SLC25A13: variants seen among roughly 807,000 people sequenced by gnomAD.
SLC25A13 encodes electrogenic aspartate/glutamate antiporter SLC25A13, mitochondrial.
SLC25A13 carries 70 observed loss-of-function variants against 85.5 expected under a neutral mutation model. The ratio of observed to expected loss-of-function variants is 0.82; its 90% CI spans 0.68 to 1.00. The LOEUF (loss-of-function observed/expected upper bound fraction) is 1.00. Among genes scored for constraint, SLC25A13 ranks in the 50% least tolerant of loss-of-function variants. The pLI, the probability that SLC25A13 is intolerant of heterozygous loss-of-function variation, is 0.00. For synonymous variants in SLC25A13, 259 were observed against 288.7 expected, an observed-to-expected ratio of 0.90 and a Z score of 1.04; for missense variants, 765 against 819.8, an observed-to-expected ratio of 0.93 and a Z score of 0.82.
chr7:96,155,572 C>A (rs1793230459), intron 13 of SLC25A13, among the ~76,000 whole-genome samples: 1 of 152,154 alleles, frequency 6.6e-6, no homozygotes. Context: ...CCTCTAGATC[C>A]CTTTCTGGAA....
chr7:96,181,049 G>A (rs1440105916), intron 11 of SLC25A13, among the ~76,000 whole-genome samples: 1 of 152,100 alleles, frequency 6.6e-6, no homozygotes, highest in African/African-American at 2.4e-5. Context: ...CCTGGGGGTT[G>A]GATTTTCAGA....
chr7:96,255,436 AG>A (rs1428764978), intron 3 of SLC25A13, among the ~76,000 whole-genome samples: 18 of 152,370 alleles, frequency 1.2e-4, no homozygotes, highest in South Asian at 8.3e-4. Flanking sequence ...TTGTAGTTCC[AG>A]CACTTTGGGA....
chr7:96,123,372 G>C (rs1791595027), intron 15 of SLC25A13, among the ~76,000 whole-genome samples: 1 of 152,196 alleles, frequency 6.6e-6, no homozygotes, highest in Admixed American at 6.5e-5. Flanking sequence ...TAGCAAGACA[G>C]CCTGCTTTAG....
intron 14 of SLC25A13, among the ~76,000 whole-genome samples, chr7:96,138,383 C>T (rs1792375664): frequency 6.6e-6 from 1 of 151,162 alleles, no homozygotes; most frequent in African/African-American, 2.4e-5. Context: ...CAATTTGTTG[C>T]ATTTTTTTCT....
chr7:96,312,498 T>C (rs60311716), intron 1 of SLC25A13, among the ~76,000 whole-genome samples: 1,869 of 152,312 alleles, frequency 0.012, 36 homozygotes, highest in African/African-American at 0.042. Flanking sequence ...TTGTAGATGA[T>C]TATAAAGATC....
chr7:96,176,658 A>G (rs183498823), intron 11 of SLC25A13, among the ~76,000 whole-genome samples: 14 of 152,266 alleles, frequency 9.2e-5, no homozygotes, highest in African/African-American at 2.9e-4. Flanking sequence ...GGGGTCTCCA[A>G]CTCAAGCTTC....
At chr7:96,178,122 C>T (rs1010901990) in intron 11 of SLC25A13, among the ~76,000 whole-genome samples, 2 of 152,122 alleles carry the variant, frequency 1.3e-5, no homozygotes, top group African/African-American at 2.4e-5. Context: ...CTTAAAACCT[C>T]GAAGGCACTG....
At chr7:96,301,631 T>C (rs1562917420) in intron 1 of SLC25A13, among the ~76,000 whole-genome samples, 5 of 151,158 alleles carry the variant, frequency 3.3e-5, no homozygotes. Context: ...TTTGGTGTTT[T>C]GTTTTTTTTT....
At chr7:96,223,957 G>C (rs1050912224) in intron 4 of SLC25A13, among the ~76,000 whole-genome samples, 1 of 152,100 alleles carries the variant, frequency 6.6e-6, no homozygotes, top group African/African-American at 2.4e-5. Flanking sequence ...AAATAGTTCA[G>C]ATCGACAGTT....
intron 1 of SLC25A13, among the ~76,000 whole-genome samples, chr7:96,302,246 G>T (rs550667959): frequency 2.6e-4 from 39 of 152,226 alleles, no homozygotes; most frequent in African/African-American, 8.7e-4. Flanking sequence ...GGAGAACATG[G>T]CAAGAAGAAT....
chr7:96,261,093 C>T (rs1049723486), intron 3 of SLC25A13, among the ~76,000 whole-genome samples: 2 of 152,120 alleles, frequency 1.3e-5, no homozygotes, highest in African/African-American at 4.8e-5. Context: ...CTGTTATCCC[C>T]TCTATTCTTC....
chr7:96,186,108 C>A (rs528024171), intron 9 of SLC25A13, among the ~76,000 whole-genome samples: 21 of 151,996 alleles, frequency 1.4e-4, no homozygotes, highest in African/African-American at 4.6e-4. Flanking sequence ...TAATATACAC[C>A]CAAACCCTTA....
At chr7:96,171,599 G>A in intron 11 of SLC25A13, 75 bp from the exon 12 acceptor site, 2 of 1,301,900 alleles carry the variant, frequency 1.5e-6, no homozygotes, top group South Asian at 1.2e-5. Flanking sequence ...TCTACAGAGG[G>A]GATTACCACT....
intron 11 of SLC25A13, among the ~76,000 whole-genome samples, chr7:96,172,122 C>G (rs1170331355): frequency 6.6e-6 from 1 of 152,172 alleles, no homozygotes; most frequent in African/African-American, 2.4e-5. Context: ...ACAGCCTCTT[C>G]TGAGGGACCA....
chr7:96,245,135 A>G (rs1797138098), intron 3 of SLC25A13, among the ~76,000 whole-genome samples: 1 of 152,190 alleles, frequency 6.6e-6, no homozygotes, highest in African/African-American at 2.4e-5. Context: ...TATACCTCCA[A>G]CATTCTCTTT....
At chr7:96,203,628 G>T (rs1795345386) in intron 5 of SLC25A13, among the ~76,000 whole-genome samples, 1 of 152,178 alleles carries the variant, frequency 6.6e-6, no homozygotes, top group Non-Finnish European at 1.5e-5. Flanking sequence ...CTAGTTAACA[G>T]AAATATTGAA....
chr7:96,239,040 T>TATATATATATATA, intron 3 of SLC25A13, among the ~76,000 whole-genome samples: 1 of 3,660 alleles, frequency 2.7e-4, no homozygotes, highest in East Asian at 0.013. Flanking sequence ...ATATATTTTA[T>TATATATATATATA]ATATATATAT....
intron 15 of SLC25A13, among the ~76,000 whole-genome samples, chr7:96,130,025 T>A (rs754411515): frequency 3.7e-4 from 56 of 152,230 alleles, no homozygotes; most frequent in Non-Finnish European, 6.8e-4. Flanking sequence ...TATTTGCCTG[T>A]TCTAGTACTT....
rs1584330721 is a variant in SLC25A13, at chr7:96,120,222, A to G, written c.*969T>C. 1 of 445,056 alleles carries G rather than the reference A, an allele frequency of 2.2e-6. No homozygotes were observed. Among genetic ancestry groups the G allele is most frequent in the East Asian group, 7.0e-5 (1 of 14,266 alleles). The allele number at this position is 445,056 out of a possible 1,614,324, so 27.6% of individuals were successfully genotyped here. A position where few individuals can be genotyped will look rare whatever the true frequency, so the allele number is the denominator to read the frequency against. Reference sequence around the variant, plus strand: ...ATGCACAAGACCAAACAACTCAATCACTTTACAAATAGTTTATTTCCACCT... The same window carrying G: ...ATGCACAAGACCAAACAACTCAATCGCTTTACAAATAGTTTATTTCCACCT... On this transcript the variant is annotated 3_prime_UTR_variant, in exon 18 of 18. Coordinates refer to ENST00000265631, the MANE Select transcript of SLC25A13 (RefSeq NM_014251.3).
Sources: gnomAD v4.1 joint callset for allele counts (sites outside exome capture counted in the v4.1 genomes callset) on GRCh38, gnomAD v4.1.1 for gene constraint, MANE v1.5 for transcripts, NCBI Gene and HGNC (gene_info 2026-07-23, HGNC 2026-07-21) for gene names.